The following CYYR1 variants were observed in gnomAD, a reference collection of about 807,000 sequenced individuals.
The protein encoded by CYYR1 is cysteine and tyrosine-rich protein 1.
In CYYR1, 14 loss-of-function variants were observed where a neutral mutation model predicts 15.2. The ratio of observed to expected loss-of-function variants is 0.92; its 90% CI spans 0.61 to 1.44. The LOEUF is 1.44. Ranked by LOEUF, CYYR1 falls within the 40% of genes most tolerant of loss-of-function variation. The pLI, the probability that CYYR1 is intolerant of heterozygous loss-of-function variation, is 0.00. For synonymous variants in CYYR1, 80 were observed against 77.4 expected, an observed-to-expected ratio of 1.03 and a Z score of -0.18; for missense variants, 228 against 209.5, an observed-to-expected ratio of 1.09 and a Z score of -0.54.
chr21:26,569,773 A>G (rs117393705), intron 1 of CYYR1, among the ~76,000 whole-genome samples: 2,540 of 152,270 alleles, frequency 0.017, 32 homozygotes, highest in Middle Eastern at 0.037. Flanking sequence ...CGAAGATTCA[A>G]TTGCTACCGT....
chr21:26,494,501 T>C (rs1407497899), intron 2 of CYYR1, among the ~76,000 whole-genome samples: 1 of 152,190 alleles, frequency 6.6e-6, no homozygotes, highest in African/African-American at 2.4e-5. Flanking sequence ...TAACTGCATG[T>C]ACTCATTCAT....
chr21:26,554,731 A>AT (rs1020119936), intron 2 of CYYR1, among the ~76,000 whole-genome samples: 1 of 152,018 alleles, frequency 6.6e-6, no homozygotes, highest in African/African-American at 2.4e-5. Flanking sequence ...TGCAGAAGTC[A>AT]TTTTTCTCCC....
chr21:26,477,287 A>G (rs1053287698), intron 3 of CYYR1, among the ~76,000 whole-genome samples: 5 of 152,182 alleles, frequency 3.3e-5, no homozygotes, highest in African/African-American at 7.2e-5. Flanking sequence ...GTTGCTTCCT[A>G]AACCTTCAAG....
chr21:26,476,394 G>A (rs1406501017), intron 3 of CYYR1, among the ~76,000 whole-genome samples: 1 of 152,084 alleles, frequency 6.6e-6, no homozygotes, highest in East Asian at 1.9e-4. Flanking sequence ...TTTAAGACCT[G>A]CGAATATCCT....
At chr21:26,478,151 G>T (rs939012084) in intron 3 of CYYR1, 25 of 1,548,698 alleles carry the variant, frequency 1.6e-5, no homozygotes, top group Non-Finnish European at 1.8e-5. Context: ...AAGAGGAAAT[G>T]AACAATAAAC....
Position 26,566,282 on chromosome 21 carries a change from T to G in CYYR1, c.160A>C (p.Ile54Leu). Reference sequence around the variant, plus strand: ...AATACTCACGAGAGGATATTCCCAATATAAGCGTAGTAGGAGCAACAGTAG... The same window carrying G: ...AATACTCACGAGAGGATATTCCCAAGATAAGCGTAGTAGGAGCAACAGTAG... ...TPYCCSYYAYIGNILSGTAIA... is the reference protein window; with the variant it reads ...TPYCCSYYAYLGNILSGTAIA... The change falls in exon 2 of 4, where the codon ATT becomes CTT. Residue 54 changes from isoleucine (I) to leucine (L), a missense_variant. By Grantham distance (5) the Ile-to-Leu change is conservative. Coordinates refer to ENST00000652641, the MANE Select transcript of CYYR1 (RefSeq NM_001320768.2). 6.8e-6 allele frequency: 11 copies of G among 1,613,412 alleles called. No individual in the cohort carries two copies. Among genetic ancestry groups the G allele is most frequent in the Non-Finnish European group, 9.3e-6 (11 of 1,179,486 alleles).
intron 2 of CYYR1, among the ~76,000 whole-genome samples, chr21:26,532,667 A>T (rs2065946823): frequency 6.6e-6 from 1 of 152,162 alleles, no homozygotes; most frequent in Non-Finnish European, 1.5e-5. Flanking sequence ...GCTACTCTGA[A>T]CATGTTAATT....
chr21:26,532,983 C>A (rs2065951230), intron 2 of CYYR1, among the ~76,000 whole-genome samples: 1 of 151,804 alleles, frequency 6.6e-6, no homozygotes, highest in South Asian at 2.1e-4. Flanking sequence ...GGGTTCTATA[C>A]CCAAGGTATC....
chr21:26,479,024 G>A (rs780754908), intron 3 of CYYR1, among the ~76,000 whole-genome samples: 26 of 152,092 alleles, frequency 1.7e-4, no homozygotes, highest in Non-Finnish European at 3.4e-4. Context: ...CTCAAGTGGA[G>A]ATGTTCAATA....
At chr21:26,474,843 T>C (rs926942627) in intron 3 of CYYR1, among the ~76,000 whole-genome samples, 1 of 152,204 alleles carries the variant, frequency 6.6e-6, no homozygotes, top group African/African-American at 2.4e-5. Flanking sequence ...AATTTACTAA[T>C]GGCCATTTTA....
At chr21:26,486,356 G>T (rs1262090839) in intron 2 of CYYR1, among the ~76,000 whole-genome samples, 1 of 151,952 alleles carries the variant, frequency 6.6e-6, no homozygotes, top group Non-Finnish European at 1.5e-5. Context: ...AGGTCCTGAA[G>T]ACTTTCTCCT....
At chr21:26,475,445 C>T (rs547899767) in intron 3 of CYYR1, among the ~76,000 whole-genome samples, 2 of 152,248 alleles carry the variant, frequency 1.3e-5, no homozygotes, top group South Asian at 4.1e-4. Context: ...AGGCTAGCCC[C>T]TATACTTGTG....
intron 2 of CYYR1, among the ~76,000 whole-genome samples, chr21:26,498,905 A>C (rs752997784): frequency 7.2e-5 from 11 of 152,160 alleles, no homozygotes; most frequent in Non-Finnish European, 1.5e-4. Flanking sequence ...AACTGCCCCC[A>C]AAATTTAATT....
chr21:26,561,021 G>T (rs1786595235), intron 2 of CYYR1, among the ~76,000 whole-genome samples: 1 of 151,738 alleles, frequency 6.6e-6, no homozygotes, highest in Admixed American at 6.6e-5. Flanking sequence ...ATAGAAATTG[G>T]ACTGAGAAAA....
chr21:26,533,794 T>G (rs931510829), intron 2 of CYYR1, among the ~76,000 whole-genome samples: 1 of 152,174 alleles, frequency 6.6e-6, no homozygotes, highest in Admixed American at 6.6e-5. Context: ...TGTGCAATGC[T>G]TGCTGTTCGT....
intron 2 of CYYR1, among the ~76,000 whole-genome samples, chr21:26,530,955 T>C (rs1420457288): frequency 1.3e-5 from 2 of 152,134 alleles, no homozygotes; most frequent in African/African-American, 2.4e-5. Context: ...ACTGTTTTAG[T>C]GTTAGTGGCC....
chr21:26,534,870 C>A (rs780255231), intron 2 of CYYR1, among the ~76,000 whole-genome samples: 10 of 152,150 alleles, frequency 6.6e-5, no homozygotes, highest in Non-Finnish European at 1.5e-4. Context: ...CAGATATAGA[C>A]AGGTACTGTA....
intron 3 of CYYR1, among the ~76,000 whole-genome samples, chr21:26,474,941 T>C (rs1351801081): frequency 1.3e-5 from 2 of 152,134 alleles, no homozygotes; most frequent in East Asian, 3.9e-4. Context: ...AAAATTACTC[T>C]TTTGCACCTA....
chr21:26,474,047 CG>C (rs146232832), intron 3 of CYYR1, among the ~76,000 whole-genome samples: 20 of 101,352 alleles, frequency 2.0e-4, no homozygotes, highest in Admixed American at 4.8e-4. Flanking sequence ...TTTTTGTTTT[CG>C]TTTTTTTTTT....
Sources: allele counts gnomAD v4.1 joint callset (sites outside exome capture counted in the v4.1 genomes callset), GRCh38; gene constraint gnomAD v4.1.1; transcripts MANE v1.5; gene names NCBI Gene and HGNC (gene_info 2026-07-23, HGNC 2026-07-21).